Variants in CHM observed in about 807,000 individuals in gnomAD.
CHM encodes the protein rab proteins geranylgeranyltransferase component A 1.
CHM carries 10 observed loss-of-function variants against 49.0 expected under a neutral mutation model. The observed-to-expected ratio is 0.20, with a 90% CI of 0.13 to 0.35. The LOEUF (loss-of-function observed/expected upper bound fraction) is 0.35, where lower values mean the gene tolerates loss of function less well. Ranked by LOEUF, CHM falls within the 10% of genes least tolerant of loss-of-function variation. CHM has a pLI of 1.00. For synonymous variants in CHM, 184 were observed against 167.5 expected (o/e 1.10, Z -0.76); for missense variants, 455 against 478.4 (o/e 0.95, Z 0.46).
In CHM at chrX:85,901,182, T is replaced by C; in HGVS notation, c.1251A>G (p.Lys417=). The change falls in exon 10 of 15, where the codon AAA becomes AAG. Residue 417 remains lysine, a synonymous_variant. Coordinates refer to ENST00000357749, the MANE Select transcript of CHM (RefSeq NM_000390.4). ...LVVDKESRKC[K]AIIDQFGQRI... Reference sequence around the variant, plus strand: ...TCTGACCAAACTGATCTATAATTGCTTTACATCTATAAAGAAGATAAGCAT... The same window carrying C: ...TCTGACCAAACTGATCTATAATTGCCTTACATCTATAAAGAAGATAAGCAT... 8.8e-7 allele frequency: 1 copy of C among 1,138,551 alleles called. No homozygotes were observed. Among genetic ancestry groups the C allele is most frequent in the Non-Finnish European group, 1.2e-6 (1 of 836,991 alleles). 93.8% of individuals were successfully genotyped at this position (1,138,551 alleles called of 1,213,427 possible). A position where few individuals can be genotyped will look rare whatever the true frequency, so the allele number is the denominator to read the frequency against.
At chrX:85,958,073 G>A (rs376790475) in intron 6 of CHM, 98 bp from the exon 7 acceptor site, 3 of 1,028,156 alleles carry the variant, frequency 2.9e-6, no homozygotes, top group South Asian at 2.1e-5. Flanking sequence ...CAGGATTATC[G>A]TTTCCACTCT....
chrX:86,037,396 T>C (rs920079882), intron 1 of CHM, among the ~76,000 whole-genome samples: 1 of 111,233 alleles, frequency 9.0e-6, no homozygotes, highest in Non-Finnish European at 1.9e-5. Context: ...GAATTACAGG[T>C]GTGAGCCACT....
intron 2 of CHM, among the ~76,000 whole-genome samples, chrX:86,007,147 C>A (rs1261135303): frequency 1.8e-5 from 2 of 111,891 alleles, no homozygotes; most frequent in African/African-American, 6.5e-5. Flanking sequence ...CTGACAAAAA[C>A]AAGAAATGGG....
chrX:85,921,773 C>T (rs1927799141), intron 8 of CHM, among the ~76,000 whole-genome samples: 1 of 112,433 alleles, frequency 8.9e-6, no homozygotes, highest in Non-Finnish European at 1.9e-5. Flanking sequence ...TTTCTTGTAA[C>T]TATATTCATA....
chrX:85,933,833 C>T (rs755352234), intron 8 of CHM, among the ~76,000 whole-genome samples: 23 of 111,739 alleles, frequency 2.1e-4, no homozygotes, highest in Non-Finnish European at 4.1e-4. Context: ...TTTACAAACA[C>T]GTGTGTATCT....
chrX:85,890,659 A>T (rs967758978), intron 12 of CHM, among the ~76,000 whole-genome samples: 1 of 112,234 alleles, frequency 8.9e-6, no homozygotes, highest in Admixed American at 9.4e-5. Context: ...CAGCCTATGG[A>T]ACTGTAAGTC....
At chrX:85,883,836 T>C (rs1025623282) in intron 12 of CHM, among the ~76,000 whole-genome samples, 7 of 110,533 alleles carry the variant, frequency 6.3e-5, no homozygotes, top group Non-Finnish European at 1.3e-4. Flanking sequence ...CACAAATATA[T>C]AATCATATCA....
At chrX:85,913,030 A>G (rs865894625) in intron 8 of CHM, among the ~76,000 whole-genome samples, 1 of 78,524 alleles carries the variant, frequency 1.3e-5, no homozygotes, top group Admixed American at 1.4e-4. Flanking sequence ...AAAAAAAAAA[A>G]AAAAAAAAAG....
At chrX:85,946,507 G>T (rs889465523) in intron 8 of CHM, among the ~76,000 whole-genome samples, 1 of 112,084 alleles carries the variant, frequency 8.9e-6, no homozygotes, top group Non-Finnish European at 1.9e-5. Context: ...CTACTTCAGA[G>T]GGTGTAAGCC....
At chrX:86,008,254 T>C (rs762567095) in intron 2 of CHM, among the ~76,000 whole-genome samples, 1 of 111,113 alleles carries the variant, frequency 9.0e-6, no homozygotes, top group South Asian at 3.9e-4. Flanking sequence ...CCGGGGCCTG[T>C]CGGCAGGTGG....
intron 2 of CHM, among the ~76,000 whole-genome samples, chrX:86,004,137 C>T (rs778197738): frequency 2.7e-5 from 3 of 111,765 alleles, no homozygotes; most frequent in South Asian, 7.4e-4. Flanking sequence ...AATTTTCAAA[C>T]CAGAATTTCA....
chrX:85,943,301 A>G (rs906917453), intron 8 of CHM, among the ~76,000 whole-genome samples: 8 of 111,558 alleles, frequency 7.2e-5, no homozygotes, highest in African/African-American at 2.6e-4. Context: ...ACACTTCTCA[A>G]AAGAAGACAT....
intron 2 of CHM, among the ~76,000 whole-genome samples, chrX:86,010,473 T>C (rs1052903014): frequency 2.7e-5 from 3 of 110,856 alleles, no homozygotes; most frequent in Admixed American, 9.6e-5. Flanking sequence ...TATAAGATAT[T>C]AGCATTAGGG....
intron 1 of CHM, among the ~76,000 whole-genome samples, chrX:86,030,666 A>C (rs1353656999): frequency 9.0e-6 from 1 of 111,099 alleles, no homozygotes; most frequent in African/African-American, 3.3e-5. Context: ...AACACAATGG[A>C]AAGAAACACT....
chrX:85,951,465 TAAAA>T (rs1198717124), intron 8 of CHM, among the ~76,000 whole-genome samples: 1 of 105,778 alleles, frequency 9.5e-6, no homozygotes, highest in Non-Finnish European at 2.0e-5. Context: ...AAGCTAAGCA[TAAAA>T]AAAAAAGATT....
intron 8 of CHM, among the ~76,000 whole-genome samples, chrX:85,946,065 A>C (rs1929391379): frequency 8.9e-6 from 1 of 112,584 alleles, no homozygotes; most frequent in South Asian, 3.6e-4. Context: ...AAAGCATTCC[A>C]GATGTGACCT....
chrX:86,025,762 T>C (rs1933784278), intron 2 of CHM, among the ~76,000 whole-genome samples: 1 of 109,054 alleles, frequency 9.2e-6, no homozygotes, highest in African/African-American at 3.3e-5. Context: ...AAAGTAAATC[T>C]GAAACTAAAA....
At chrX:86,031,461 G>T (rs1438492402) in intron 1 of CHM, among the ~76,000 whole-genome samples, 1 of 111,906 alleles carries the variant, frequency 8.9e-6, no homozygotes, top group East Asian at 2.8e-4. Flanking sequence ...TCAAATCAGG[G>T]TTTCAAAAAA....
intron 12 of CHM, among the ~76,000 whole-genome samples, chrX:85,883,179 ACTCTATACAAGCAGG>A (rs1445663634): frequency 9.0e-6 from 1 of 111,472 alleles, no homozygotes; most frequent in Non-Finnish European, 1.9e-5. Context: ...GCAGTCATTC[ACTCTATACAAGCAGG>A]CAAAATTGTT....
Sources: allele counts gnomAD v4.1 joint callset (sites outside exome capture counted in the v4.1 genomes callset), GRCh38; gene constraint gnomAD v4.1.1; transcripts MANE v1.5; gene names NCBI Gene and HGNC (gene_info 2026-07-23, HGNC 2026-07-21).